Variants in TP53BP2 observed in about 807,000 individuals in gnomAD.
The protein encoded by TP53BP2 is tumor protein p53 binding protein 2.
Under a neutral mutation model 126.2 loss-of-function variants are expected in TP53BP2, and 62 were observed. The ratio of observed to expected loss-of-function variants is 0.49; its 90% CI spans 0.40 to 0.61. The LOEUF is 0.61. Among genes scored for constraint, TP53BP2 ranks in the 20% least tolerant of loss-of-function variants. The pLI, the probability that TP53BP2 is intolerant of heterozygous loss-of-function variation, is 0.00. For synonymous variants in TP53BP2, 485 were observed against 502.9 expected, an observed-to-expected ratio of 0.96 and a Z score of 0.48; for missense variants, 1,215 against 1,402.8, an observed-to-expected ratio of 0.87 and a Z score of 2.14.
intron 1 of TP53BP2, among the ~76,000 whole-genome samples, chr1:223,841,730 T>C (rs1037808735): frequency 6.6e-6 from 1 of 152,094 alleles, no homozygotes; most frequent in African/African-American, 2.4e-5. Context: ...GGAGATACTG[T>C]AATATCCCAT....
Position 223,784,187 on chromosome 1 carries a change from G to T in TP53BP2, c.3291C>A (p.Asp1097Glu). 1.2e-6 allele frequency: 2 copies of T among 1,614,090 alleles called. No homozygotes were observed. The highest frequency in any genetic ancestry group is 8.5e-7 in the Non-Finnish European group (1 of 1,180,004). The change falls in exon 17 of 18, where the codon GAC (aspartate) becomes GAA (glutamate). Residue 1097 changes from aspartate (D) to glutamate (E), a missense_variant. Physicochemically the swap from Asp to Glu is conservative, Grantham distance 45 (BLOSUM62 2). Around this residue, in one of 4 missense-constraint regions of TP53BP2, gnomAD observed 151 missense variants for 231.2 expected, o/e 0.65. Transcript: ENST00000343537. ...GDCMTIIHRE[D>E]EDEIEWWWAR... The stretch of plus-strand genomic sequence containing the variant: ...CCCACCACCATTCGATTTCATCTTC[G>T]TCTTCCCTGTGGATGATTGTCATGC...
At chr1:223,793,860 C>A (rs900560245) in intron 13 of TP53BP2, among the ~76,000 whole-genome samples, 1 of 152,164 alleles carries the variant, frequency 6.6e-6, no homozygotes, top group African/African-American at 2.4e-5. Context: ...AGCAACAGCA[C>A]AGCCCACAAC....
At position 223,845,918 on chromosome 1, in the gene TP53BP2, G is replaced by C. The variant is rs1362696416; in HGVS notation, c.-238C>G. The C allele has an allele frequency of 1.1e-5, 3 of 264,866 alleles. No individual in the cohort carries two copies. Among genetic ancestry groups the C allele is most frequent in the Non-Finnish European group, 2.1e-5 (3 of 142,024 alleles). 16.4% of individuals were successfully genotyped at this position (264,866 alleles called of 1,614,324 possible). On this transcript the variant is annotated 5_prime_UTR_variant, in exon 1 of 18. Coordinates refer to ENST00000343537, the MANE Select transcript of TP53BP2 (RefSeq NM_001031685.3). ...GCTTTGTCTCTTCGACGCTCGTGAC[G>C]GTCGGGGCTCCCTCCTCCGCTCCGA...
intron 2 of TP53BP2, among the ~76,000 whole-genome samples, chr1:223,816,789 G>GT (rs1324126958): frequency 6.6e-6 from 1 of 151,466 alleles, no homozygotes; most frequent in African/African-American, 2.4e-5. Context: ...GTTCATGATA[G>GT]TAACCTTTTT....
intron 1 of TP53BP2, among the ~76,000 whole-genome samples, chr1:223,842,189 C>T (rs1664123386): frequency 1.3e-5 from 2 of 152,198 alleles, no homozygotes; most frequent in South Asian, 2.1e-4. Flanking sequence ...CCACCCACCT[C>T]GGCCTCCCAA....
intron 1 of TP53BP2, among the ~76,000 whole-genome samples, chr1:223,844,928 C>T (rs1664216083): frequency 1.3e-5 from 2 of 152,232 alleles, no homozygotes; most frequent in Admixed American, 1.3e-4. Context: ...CCGCAACACA[C>T]CGCAAACCTC....
intron 12 of TP53BP2, 44 bp downstream of exon 12, chr1:223,798,168 CTGG>C: frequency 1.9e-6 from 3 of 1,546,300 alleles, no homozygotes; most frequent in Non-Finnish European, 2.6e-6. Flanking sequence ...GGCTTAAGTT[CTGG>C]TATAGAACTT....
At chr1:223,838,958 G>C (rs1664014341) in intron 1 of TP53BP2, among the ~76,000 whole-genome samples, 2 of 151,476 alleles carry the variant, frequency 1.3e-5, no homozygotes, top group African/African-American at 2.4e-5. Context: ...AGAACTATCT[G>C]CCAATCTTCT....
At chr1:223,804,555 G>A (rs77211148) in intron 5 of TP53BP2, among the ~76,000 whole-genome samples, 1 of 152,170 alleles carries the variant, frequency 6.6e-6, no homozygotes, top group East Asian at 1.9e-4. Context: ...AGAATCTTCT[G>A]GGGATAAGAT....
chr1:223,827,345 C>T (rs1035669369), intron 1 of TP53BP2, among the ~76,000 whole-genome samples: 19 of 152,056 alleles, frequency 1.2e-4, no homozygotes, highest in African/African-American at 3.4e-4. Context: ...CAGAAGAGTG[C>T]GGGACACCAG....
chr1:223,845,715 C>G lies in TP53BP2; in HGVS notation c.-35G>C, dbSNP rs768333930. 11 of 1,520,878 alleles carry G rather than the reference C, an allele frequency of 7.2e-6. No individual in the cohort carries two copies. The South Asian group carries it at 8.6e-5, about 12-fold the overall frequency. The allele number at this position is 1,520,878 out of a possible 1,614,324, so 94.2% of individuals were successfully genotyped here. The stretch of plus-strand genomic sequence containing the variant: ...TGGCCAGACTGCGGCCCCGGCCGAG[C>G]TGAGGTGCCCCGGAGGGTCGCGGAT... On this transcript the variant is annotated 5_prime_UTR_variant, in exon 1 of 18. Transcript: ENST00000343537.
intron 1 of TP53BP2, among the ~76,000 whole-genome samples, chr1:223,841,248 G>GAAATAAATAAAT (rs150151337): frequency 0.2 from 29,542 of 146,862 alleles, 3,148 homozygotes; most frequent in Middle Eastern, 0.29. Flanking sequence ...TCCGTCTCAA[G>GAAATAAATAAAT]AAATAAATAA....
At chr1:223,825,054 C>CACACACACACACACACACACACACACA (rs1553262580) in intron 1 of TP53BP2, among the ~76,000 whole-genome samples, 4 of 151,108 alleles carry the variant, frequency 2.6e-5, no homozygotes, top group African/African-American at 9.8e-5. Context: ...CACACACACA[C>CACACACACACACACACACACACACACA]CCTAGCCCAT....
intron 1 of TP53BP2, among the ~76,000 whole-genome samples, chr1:223,830,185 C>T (rs1663648098): frequency 6.6e-6 from 1 of 152,104 alleles, no homozygotes; most frequent in South Asian, 2.1e-4. Context: ...AGAATTTTTT[C>T]GGATTTTAGA....
rs552967760 is a variant in TP53BP2, at chr1:223,806,779, G to A, written c.474+67C>T. 1.5e-3 allele frequency: 1,937 copies of A among 1,269,200 alleles called. 2 individuals are homozygous for A. The highest frequency in any genetic ancestry group is 1.9e-3 in the Non-Finnish European group (1,686 of 882,816). 78.6% of individuals were successfully genotyped at this position (1,269,200 alleles called of 1,614,324 possible). On this transcript the variant is annotated intron_variant, in intron 5 of 17. Transcript: ENST00000343537. Reference sequence around the variant, plus strand: ...GCGGAGGTTGCAGTGAGCCAAGATCGTGCCACTGCACTCCAGCCTAGGCGA... The same window carrying A: ...GCGGAGGTTGCAGTGAGCCAAGATCATGCCACTGCACTCCAGCCTAGGCGA...
intron 5 of TP53BP2, among the ~76,000 whole-genome samples, chr1:223,805,701 GA>G (rs1203010485): frequency 6.6e-6 from 1 of 152,176 alleles, no homozygotes; most frequent in Non-Finnish European, 1.5e-5. Flanking sequence ...TCAGTGACCT[GA>G]TAATCACTAA....
chr1:223,821,140 A>G (rs930970204), intron 2 of TP53BP2, 80 bp downstream of exon 2: 49 of 1,569,098 alleles, frequency 3.1e-5, no homozygotes, highest in Non-Finnish European at 3.9e-5. Context: ...AAACATGAGC[A>G]TTCACACAGT....
At chr1:223,818,552 A>G (rs112247342) in intron 2 of TP53BP2, among the ~76,000 whole-genome samples, 1 of 151,170 alleles carries the variant, frequency 6.6e-6, no homozygotes, top group Non-Finnish European at 1.5e-5. Flanking sequence ...TCTAGAACAC[A>G]TATCGGTGTT....
intron 1 of TP53BP2, among the ~76,000 whole-genome samples, chr1:223,822,569 T>A (rs1049562122): frequency 9.2e-5 from 14 of 151,776 alleles, no homozygotes; most frequent in Admixed American, 8.5e-4. Context: ...CTTGGAAGGC[T>A]GAGTGGGGAA....
Sources: allele counts gnomAD v4.1 joint callset (sites outside exome capture counted in the v4.1 genomes callset), GRCh38; gene constraint gnomAD v4.1.1; regional missense constraint gnomAD v4.1.1; transcripts MANE v1.5; gene names NCBI Gene and HGNC (gene_info 2026-07-23, HGNC 2026-07-21).